CADM2: variants seen among roughly 807,000 people sequenced by gnomAD.
CADM2 encodes the protein cell adhesion molecule 2.
CADM2 carries 12 observed loss-of-function variants against 49.8 expected under a neutral mutation model. The ratio of observed to expected loss-of-function variants is 0.24; its 90% CI spans 0.15 to 0.39. The LOEUF is 0.39. Among genes scored for constraint, CADM2 ranks in the 10% least tolerant of loss-of-function variants. The probability of loss-of-function intolerance (pLI) is 1.00; values close to 1 mark genes in which losing one functional copy is unlikely to be tolerated. For missense variants in CADM2, 378 were observed against 492.3 expected (o/e 0.77, Z 2.20); for synonymous variants, 214 against 175.4 (o/e 1.22, Z -1.74).
chr3:85,910,878 A>C (rs1266475238), intron 5 of CADM2, among the ~76,000 whole-genome samples: 1 of 152,052 alleles, frequency 6.6e-6, no homozygotes, highest in African/African-American at 2.4e-5. Flanking sequence ...CAATATGATA[A>C]AGTCATACTT....
intron 1 of CADM2, among the ~76,000 whole-genome samples, chr3:85,641,187 C>G (rs1279697225): frequency 6.6e-6 from 1 of 152,006 alleles, no homozygotes; most frequent in Non-Finnish European, 1.5e-5. Flanking sequence ...GTTGGTTCTT[C>G]ATCTTTTCTT....
Position 86,065,654 on chromosome 3 carries a change from A to T in CADM2, c.1020A>T (p.Gly340=). 1 of 1,613,976 alleles carries T rather than the reference A, an allele frequency of 6.2e-7. No homozygotes were observed. The highest frequency in any genetic ancestry group is 8.5e-7 in the Non-Finnish European group (1 of 1,179,920). The change falls in exon 9 of 10, where the codon GGA becomes GGT. Residue 340 remains glycine, a synonymous_variant. Transcript: ENST00000383699. ...GQNGPDHALI[G]GIVAVVVFVT... The stretch of plus-strand genomic sequence containing the variant: ...ATGGCCCTGACCATGCTCTCATAGG[A>T]GGAATAGTGGCTGTAGTTGTATTTG...
intron 1 of CADM2, among the ~76,000 whole-genome samples, chr3:85,491,516 T>C (rs561482032): frequency 4.3e-4 from 65 of 152,150 alleles, no homozygotes; most frequent in Non-Finnish European, 8.5e-4. Flanking sequence ...GTATATGACA[T>C]AAATAACTGT....
chr3:84,976,455 T>C (rs955395034), intron 1 of CADM2, among the ~76,000 whole-genome samples: 1 of 151,778 alleles, frequency 6.6e-6, no homozygotes, highest in Non-Finnish European at 1.5e-5. Flanking sequence ...CATAAACCAA[T>C]ATATTTCAAA....
intron 2 of CADM2, among the ~76,000 whole-genome samples, chr3:85,739,466 T>C (rs1037631755): frequency 2.0e-5 from 3 of 152,104 alleles, no homozygotes; most frequent in Non-Finnish European, 4.4e-5. Context: ...TTAGCTCTAT[T>C]GATATTTGTA....
chr3:85,774,991 T>C (rs1326905615), intron 2 of CADM2, among the ~76,000 whole-genome samples: 1 of 151,700 alleles, frequency 6.6e-6, no homozygotes, highest in East Asian at 1.9e-4. Flanking sequence ...GATAGATATA[T>C]ATGTGTACTT....
chr3:85,937,871 C>A (rs1177508298), intron 7 of CADM2, among the ~76,000 whole-genome samples: 2 of 152,012 alleles, frequency 1.3e-5, no homozygotes, highest in Non-Finnish European at 1.5e-5. Context: ...TCCACAACGT[C>A]TTCAAAGTAA....
intron 1 of CADM2, among the ~76,000 whole-genome samples, chr3:85,172,227 C>T (rs1323755219): frequency 1.3e-5 from 2 of 152,114 alleles, no homozygotes; most frequent in East Asian, 1.9e-4. Flanking sequence ...CTTGGAACCA[C>T]CTGATACTGC....
chr3:86,065,670 G>C lies in CADM2; in HGVS notation c.1036G>C (p.Val346Leu). ...TCTCATAGGAGGAATAGTGGCTGTA[G>C]TTGTATTTGTCACGCTGTGTTCTAT... is the stretch of plus-strand genomic sequence containing the variant. Reference protein sequence around the residue: ...HALIGGIVAVVVFVTLCSIFL... With the variant: ...HALIGGIVAVLVFVTLCSIFL... The change falls in exon 9 of 10, where the codon GTT (valine) becomes CTT (leucine). Residue 346 changes from valine (V) to leucine (L), a missense_variant. Physicochemically the swap from Val to Leu is conservative, Grantham distance 32. Coordinates refer to ENST00000383699, the MANE Select transcript of CADM2 (RefSeq NM_001167675.2). 1 of 1,614,058 alleles carries C rather than the reference G, an allele frequency of 6.2e-7. No homozygotes were observed. The highest frequency in any genetic ancestry group is 8.5e-7 in the Non-Finnish European group (1 of 1,179,982).
intron 1 of CADM2, among the ~76,000 whole-genome samples, chr3:85,548,918 G>A (rs1197748354): frequency 2.0e-5 from 3 of 152,094 alleles, no homozygotes; most frequent in African/African-American, 7.2e-5. Flanking sequence ...AGCCTTCTGT[G>A]GCATATCTCC....
At chr3:85,772,418 T>G (rs1387543937) in intron 2 of CADM2, among the ~76,000 whole-genome samples, 1 of 152,136 alleles carries the variant, frequency 6.6e-6, no homozygotes, top group Non-Finnish European at 1.5e-5. Flanking sequence ...TGTGTGTATG[T>G]GTCCATCTAA....
intron 7 of CADM2, among the ~76,000 whole-genome samples, chr3:85,942,769 A>T (rs1308259792): frequency 6.6e-6 from 1 of 151,900 alleles, no homozygotes; most frequent in Non-Finnish European, 1.5e-5. Context: ...AGTCTTTGCT[A>T]TTGTGAATAA....
chr3:85,635,699 T>C, intron 1 of CADM2, among the ~76,000 whole-genome samples: 1 of 152,272 alleles, frequency 6.6e-6, no homozygotes. Context: ...GTGCATACAA[T>C]TTAACAAATA....
intron 1 of CADM2, among the ~76,000 whole-genome samples, chr3:85,320,678 A>T (rs1188521143): frequency 6.6e-6 from 1 of 152,166 alleles, no homozygotes; most frequent in African/African-American, 2.4e-5. Context: ...TTAAGTATTA[A>T]TGCCTTGTCT....
intron 1 of CADM2, among the ~76,000 whole-genome samples, chr3:85,406,230 A>G (rs1170954700): frequency 6.6e-6 from 1 of 152,086 alleles, no homozygotes; most frequent in African/African-American, 2.4e-5. Flanking sequence ...AAGTTATTTT[A>G]CTATTTCATT....
intron 1 of CADM2, among the ~76,000 whole-genome samples, chr3:85,250,482 T>C (rs774379137): frequency 2.6e-5 from 4 of 151,356 alleles, no homozygotes; most frequent in African/African-American, 4.8e-5. Context: ...TCAAAATAAA[T>C]ATAAAAACCT....
intron 6 of CADM2, among the ~76,000 whole-genome samples, chr3:85,928,555 T>TAA (rs796851347): frequency 5.3e-5 from 8 of 149,814 alleles, no homozygotes; most frequent in African/African-American, 1.7e-4. Flanking sequence ...GGTAAAGCAA[T>TAA]AAAAAAAAAA....
At chr3:85,638,812 A>C (rs1206653441) in intron 1 of CADM2, among the ~76,000 whole-genome samples, 1 of 152,024 alleles carries the variant, frequency 6.6e-6, no homozygotes, top group Non-Finnish European at 1.5e-5. Context: ...TCAGCAAATC[A>C]CAGGCATGCA....
At chr3:85,760,251 A>G (rs1343477440) in intron 2 of CADM2, among the ~76,000 whole-genome samples, 1 of 151,996 alleles carries the variant, frequency 6.6e-6, no homozygotes, top group Non-Finnish European at 1.5e-5. Context: ...TCAAAATTCC[A>G]TTACTGTTAA....
Sources: allele counts gnomAD v4.1 joint callset (sites outside exome capture counted in the v4.1 genomes callset), GRCh38; gene constraint gnomAD v4.1.1; transcripts MANE v1.5; gene names NCBI Gene and HGNC (gene_info 2026-07-23, HGNC 2026-07-21).